OLFML3: variants seen among roughly 807,000 people sequenced by gnomAD.
OLFML3 encodes olfactomedin-like protein 3.
In OLFML3, 26 loss-of-function variants were observed where a neutral mutation model predicts 36.0. That is an observed-to-expected ratio of 0.72 (90% CI 0.53 to 1.00). The LOEUF is 1.00. Ranked by LOEUF, OLFML3 falls within the 50% of genes least tolerant of loss-of-function variation. OLFML3 has a pLI of 0.00. For missense variants in OLFML3, 503 were observed against 519.4 expected (o/e 0.97, Z 0.31); for synonymous variants, 184 against 201.2 (o/e 0.91, Z 0.72).
intron 1 of OLFML3, 122 bp downstream of exon 1, chr1:113,979,752 C>G: frequency 1.2e-6 from 1 of 857,650 alleles, no homozygotes; most frequent in Non-Finnish European, 1.8e-6. Flanking sequence ...AGAAAATTCT[C>G]TCTTAATAAG....
Position 113,979,578 on chromosome 1 carries a change from G to A in OLFML3, c.62G>A (p.Gly21Glu). 6.2e-7 allele frequency: 1 copy of A among 1,614,174 alleles called. No homozygotes were observed. Among genetic ancestry groups the A allele is most frequent in the Non-Finnish European group, 8.5e-7 (1 of 1,180,042 alleles). Residue 21 changes from glycine (G) to glutamate (E), a missense_variant, in exon 1 of 3, where the codon GGA becomes GAA. By Grantham distance (98) the Gly-to-Glu change is moderately conservative. Transcript: ENST00000320334. ...FLLSWSGPLQ[G>E]QQHHLVEYME... ...TTGTCATGGTCGGGACCCCTCCAAG[G>A]ACAGCAGCACCACCTTGTGGAGTAC...
At chr1:113,979,710 G>A (rs1441289354) in intron 1 of OLFML3, 80 bp downstream of exon 1, 1 of 1,102,550 alleles carries the variant, frequency 9.1e-7, no homozygotes, top group Non-Finnish European at 1.4e-6. Flanking sequence ...AGGGATCTGG[G>A]GATAACAAGA....
At chr1:113,980,046 T>C in intron 1 of OLFML3, 2 of 1,540,560 alleles carry the variant, frequency 1.3e-6, no homozygotes, top group Non-Finnish European at 1.8e-6. Context: ...CACACCTTCA[T>C]GCGCTTAGAC....
rs370630813 is a variant in OLFML3 at position 113,981,293 on chromosome 1, C to A, written c.745C>A (p.Arg249=). 8 of 1,603,430 alleles carry A rather than the reference C, an allele frequency of 5.0e-6. No homozygotes were observed. Among genetic ancestry groups the A allele is most frequent in the Non-Finnish European group, 6.8e-6 (8 of 1,174,154 alleles). ...GCTAATCAAATTCCACCTGGCAAAC[C>A]GAACAGTGGTGGACAGCTCAGTATT... ...LQLIKFHLAN[R]TVVDSSVFPA... is the part of the protein sequence containing the mutation. Residue 249 remains arginine, a synonymous_variant, in exon 3 of 3, where the codon CGA becomes AGA. Transcript: ENST00000320334.
In OLFML3 at chr1:113,982,165, CACTCCTCCCTT is replaced by C; in HGVS notation, c.*397_*407del. The C allele has an allele frequency of 7.5e-6, 2 of 265,912 alleles. No homozygotes were observed. Among genetic ancestry groups the C allele is most frequent in the Non-Finnish European group, 1.4e-5 (2 of 138,082 alleles). The allele number at this position is 265,912 out of a possible 1,614,324, so 16.5% of individuals were successfully genotyped here. A position where few individuals can be genotyped will look rare whatever the true frequency, so the allele number is the denominator to read the frequency against. ...ACGTCCAGCTCTGTCCTCTCTTCCT[CACTCCTCCCTT>C]CAGTGTCCTGAGGAACAGGACTTTC... On this transcript the variant is annotated 3_prime_UTR_variant, in exon 3 of 3. Coordinates refer to ENST00000320334, the MANE Select transcript of OLFML3 (RefSeq NM_020190.5).
chr1:113,980,191 C>T (rs1673357531), intron 1 of OLFML3, 141 bp from the exon 2 acceptor site: 2 of 1,513,496 alleles, frequency 1.3e-6, no homozygotes, highest in South Asian at 1.3e-5. Flanking sequence ...CATCTGGTTT[C>T]CTTTTCTGCA....
rs753594963 is a variant in OLFML3 at position 113,981,336 on chromosome 1, TC to T, written c.795del (p.Tyr266ThrfsTer3). 25 of 1,598,936 alleles carry T rather than the reference TC, an allele frequency of 1.6e-5. No individual in the cohort carries two copies. The highest frequency in any genetic ancestry group is 2.2e-5 in the East Asian group (1 of 44,734). ...TCAGTATTCCCAGCAGAGGGGCTGATCCCCCCCTACGGCTTGACAGCAGACA... is the reference window on the plus strand; with the variant it reads ...TCAGTATTCCCAGCAGAGGGGCTGATCCCCCCTACGGCTTGACAGCAGACA... Reference protein sequence around the residue: ...DSSVFPAEGLIPPYGLTADTY... With the variant: ...DSSVFPAEGLXPPYGLTADTY... On this transcript the variant is annotated frameshift_variant, in exon 3 of 3. Transcript: ENST00000320334. LOFTEE classifies it high-confidence loss of function.
In OLFML3 at chr1:113,980,976, G is replaced by T; in HGVS notation, c.428G>T (p.Arg143Ile). The T allele has an allele frequency of 6.5e-7, 1 of 1,532,696 alleles. No homozygotes were observed. The highest frequency in any genetic ancestry group is 1.3e-5 in the South Asian group (1 of 77,114). The allele number at this position is 1,532,696 out of a possible 1,614,324, so 94.9% of individuals were successfully genotyped here. A position where few individuals can be genotyped will look rare whatever the true frequency, so the allele number is the denominator to read the frequency against. ...TDCGYTISQV[R>I]SMKILKRFGG... Reference sequence around the variant, plus strand: ...TGTGGCTACACAATCTCTCAAGTGAGATCAATGAAGATTCTGAAGCGATTT... The same window carrying T: ...TGTGGCTACACAATCTCTCAAGTGATATCAATGAAGATTCTGAAGCGATTT... Residue 143 changes from arginine (R) to isoleucine (I), a missense_variant, in exon 3 of 3, where the codon AGA becomes ATA. By Grantham distance (97) the Arg-to-Ile change is moderately conservative (BLOSUM62 -3). Coordinates refer to ENST00000320334, the MANE Select transcript of OLFML3 (RefSeq NM_020190.5).
In OLFML3 at chr1:113,981,745, G is replaced by T; in HGVS notation, c.1197G>T (p.Met399Ile). 1.9e-6 allele frequency: 3 copies of T among 1,613,542 alleles called. No homozygotes were observed. The South Asian group carries it at 3.3e-5, about 18-fold the overall frequency. The change falls in exon 3 of 3, where the codon ATG becomes ATT. Residue 399 changes from methionine to isoleucine, a missense_variant. Physicochemically the swap from Met to Ile is conservative, Grantham distance 10. Coordinates refer to ENST00000320334, the MANE Select transcript of OLFML3 (RefSeq NM_020190.5). The stretch of plus-strand genomic sequence containing the variant: ...ACCAGATTGTCTATAAGCTGGAGAT[G>T]AGGAAGAAAGAGGAGGAGGTTTGAG... ...DGYQIVYKLEMRKKEEEV is the reference protein window; with the variant it reads ...DGYQIVYKLEIRKKEEEV
rs1571754761 is a variant in OLFML3 at position 113,981,930 on chromosome 1, A to G, written c.*161A>G. 4.5e-6 allele frequency: 3 copies of G among 665,912 alleles called. No individual in the cohort carries two copies. The East Asian group carries it at 8.1e-5, about 18-fold the overall frequency. The allele number at this position is 665,912 out of a possible 1,614,324, so 41.3% of individuals were successfully genotyped here. A position where few individuals can be genotyped will look rare whatever the true frequency, so the allele number is the denominator to read the frequency against. ...CAAATTCTTTCAGCTCCTTTGTTTC[A>G]TACGGAACTCCAGATCCTGAGTAAT... On this transcript the variant is annotated 3_prime_UTR_variant, in exon 3 of 3. Transcript: ENST00000320334.
rs1209258769 is a variant in OLFML3, at chr1:113,980,766, A to G, written c.400+149A>G. 4 of 1,059,868 alleles carry G rather than the reference A, an allele frequency of 3.8e-6. No homozygotes were observed. In the African/African-American group the frequency reaches 6.4e-5, roughly 17 times the overall value. The allele number at this position is 1,059,868 out of a possible 1,614,324, so 65.7% of individuals were successfully genotyped here. Reference sequence around the variant, plus strand: ...GGGAAACCTCTGTAATGCCAGGTCTATTAAGGAGAGGTTCTGGGGATCCAG... The same window carrying G: ...GGGAAACCTCTGTAATGCCAGGTCTGTTAAGGAGAGGTTCTGGGGATCCAG... On this transcript the variant is annotated intron_variant, in intron 2 of 2. Transcript: ENST00000320334.
At chr1:113,980,855 C>A in intron 2 of OLFML3, 94 bp from the exon 3 acceptor site, 2 of 1,168,036 alleles carry the variant, frequency 1.7e-6, no homozygotes, top group African/African-American at 1.5e-5. Context: ...TGGGCAAATG[C>A]TCACTATTCT....
Position 113,981,400 on chromosome 1 carries a change from G to T in OLFML3, c.852G>T (p.Trp284Cys). The change falls in exon 3 of 3, where the codon TGG becomes TGT. Residue 284 changes from tryptophan to cysteine, a missense_variant. By Grantham distance (215) the Trp-to-Cys change is radical. Coordinates refer to ENST00000320334, the MANE Select transcript of OLFML3 (RefSeq NM_020190.5). ...IDLAADEEGL[W>C]AVYATREDDR... ...TGGCAGCTGATGAGGAAGGTCTTTG[G>T]GCTGTCTATGCCACCCGGGAGGATG... 6.2e-7 allele frequency: 1 copy of T among 1,611,958 alleles called. No homozygotes were observed. The highest frequency in any genetic ancestry group is 1.1e-5 in the South Asian group (1 of 90,662).
chr1:113,981,088 C>A lies in OLFML3; in HGVS notation c.540C>A (p.Ala180=), dbSNP rs1428887869. The part of the protein sequence containing the change: ...YVLDGTQNDT[A]FVFPRLRDFT... ...TAGATGGGACACAGAATGACACAGC[C>A]TTTGTCTTCCCAAGGCTGCGTGACT... The change falls in exon 3 of 3, where the codon GCC becomes GCA. Residue 180 remains alanine, a synonymous_variant. Transcript: ENST00000320334. The A allele has an allele frequency of 1.9e-6, 3 of 1,613,146 alleles. No homozygotes were observed. Among genetic ancestry groups the A allele is most frequent in the Non-Finnish European group, 2.5e-6 (3 of 1,179,560 alleles).
Position 113,979,576 on chromosome 1 carries a change from A to C in OLFML3, c.60A>C (p.Gln20His). The change falls in exon 1 of 3, where the codon CAA becomes CAC. Residue 20 changes from glutamine (Q) to histidine (H), a missense_variant. By Grantham distance (24) the Gln-to-His change is conservative. Transcript: ENST00000320334. ...LFLLSWSGPL[Q>H]GQQHHLVEYM... Reference sequence around the variant, plus strand: ...TTTTGTCATGGTCGGGACCCCTCCAAGGACAGCAGCACCACCTTGTGGAGT... The same window carrying C: ...TTTTGTCATGGTCGGGACCCCTCCACGGACAGCAGCACCACCTTGTGGAGT... The C allele has an allele frequency of 6.2e-7, 1 of 1,614,136 alleles. No homozygotes were observed. Among genetic ancestry groups the C allele is most frequent in the Non-Finnish European group, 8.5e-7 (1 of 1,180,000 alleles).
rs1309175315 is a variant in OLFML3, at chr1:113,980,996, C to A, written c.448C>A (p.Arg150=). 6.5e-7 allele frequency: 1 copy of A among 1,542,436 alleles called. No homozygotes were observed. Among genetic ancestry groups the A allele is most frequent in the Non-Finnish European group, 8.7e-7 (1 of 1,145,050 alleles). Residue 150 remains arginine, a synonymous_variant, in exon 3 of 3, where the codon CGA becomes AGA. Transcript: ENST00000320334. ...SQVRSMKILK[R]FGGPAGLWTK... Reference sequence around the variant, plus strand: ...AGTGAGATCAATGAAGATTCTGAAGCGATTTGGTGGCCCAGCTGGTCTATG... The same window carrying A: ...AGTGAGATCAATGAAGATTCTGAAGAGATTTGGTGGCCCAGCTGGTCTATG...
In OLFML3 at chr1:113,981,376, G is replaced by A. The variant is rs1418447611; in HGVS notation, c.828G>A (p.Leu276=). ...YGLTADTYID[L]AADEEGLWAV... is the part of the protein sequence containing the mutation. Reference sequence around the variant, plus strand: ...TGACAGCAGACACCTACATCGACCTGGCAGCTGATGAGGAAGGTCTTTGGG... The same window carrying A: ...TGACAGCAGACACCTACATCGACCTAGCAGCTGATGAGGAAGGTCTTTGGG... The change falls in exon 3 of 3, where the codon CTG becomes CTA. Residue 276 remains leucine, a synonymous_variant. Coordinates refer to ENST00000320334, the MANE Select transcript of OLFML3 (RefSeq NM_020190.5). The A allele has an allele frequency of 6.2e-7, 1 of 1,609,708 alleles. No individual in the cohort carries two copies. Among genetic ancestry groups the A allele is most frequent in the Non-Finnish European group, 8.5e-7 (1 of 1,177,686 alleles).
intron 1 of OLFML3, chr1:113,979,992 T>A: frequency 6.8e-7 from 1 of 1,466,256 alleles, no homozygotes; most frequent in Non-Finnish European, 9.1e-7. Flanking sequence ...TCCGTAGCAT[T>A]TTAGTGTCCG....
intron 2 of OLFML3, 142 bp from the exon 3 acceptor site, chr1:113,980,807 G>A (rs1042096461): frequency 4.5e-5 from 45 of 991,756 alleles, no homozygotes; most frequent in South Asian, 4.2e-4. Flanking sequence ...TGTGGTACCC[G>A]CTCTTTCTCA....
Sources: allele counts gnomAD v4.1 joint callset, GRCh38; gene constraint gnomAD v4.1.1; transcripts MANE v1.5; gene names NCBI Gene and HGNC (gene_info 2026-07-23, HGNC 2026-07-21).